Variants in ADGRE3 observed in about 807,000 individuals in gnomAD.
ADGRE3 encodes EGF-like module receptor 3.
In ADGRE3, 88 loss-of-function variants were observed where a neutral mutation model predicts 80.1. The ratio of observed to expected loss-of-function variants is 1.10; its 90% confidence interval spans 0.93 to 1.31. The LOEUF is 1.31. Ranked by LOEUF, ADGRE3 falls within the 40% of genes most tolerant of loss-of-function variation. ADGRE3 has a pLI of 0.00. For synonymous variants in ADGRE3, 281 were observed against 294.8 expected, an observed-to-expected ratio of 0.95 and a Z score of 0.48; for missense variants, 715 against 776.5, an observed-to-expected ratio of 0.92 and a Z score of 0.94.
chr19:14,645,971 CA>C (rs1568487552), intron 8 of ADGRE3, among the ~76,000 whole-genome samples: 1 of 151,790 alleles, frequency 6.6e-6, no homozygotes, highest in African/African-American at 2.4e-5. Context: ...GACCCTTTCT[CA>C]AAAAAGGTAA....
intron 10 of ADGRE3, among the ~76,000 whole-genome samples, chr19:14,639,410 TC>T (rs1480888172): frequency 6.6e-6 from 1 of 151,786 alleles, no homozygotes; most frequent in African/African-American, 2.4e-5. Context: ...TGATTATGAT[TC>T]TTTTTTTTTT....
chr19:14,638,846 G>A (rs576802769), intron 10 of ADGRE3, among the ~76,000 whole-genome samples: 27 of 151,972 alleles, frequency 1.8e-4, no homozygotes, highest in South Asian at 2.1e-4. Context: ...ACTGTATTGC[G>A]TGGTGACTAT....
chr19:14,608,528 C>A, the ADGRE3 span, among the ~76,000 whole-genome samples: 1 of 152,064 alleles, frequency 6.6e-6, no homozygotes, highest in Non-Finnish European at 1.5e-5. Flanking sequence ...ATATTTCCTC[C>A]ATTGCAACAT....
the ADGRE3 span, among the ~76,000 whole-genome samples, chr19:14,602,701 C>T: frequency 6.6e-6 from 1 of 151,616 alleles, no homozygotes; most frequent in South Asian, 2.1e-4. Context: ...TGTTTTTTAT[C>T]CCTCTGTTTC....
chr19:14,661,003 G>A (rs1410758519), intron 4 of ADGRE3, among the ~76,000 whole-genome samples: 8 of 146,396 alleles, frequency 5.5e-5, no homozygotes, highest in African/African-American at 5.0e-5. Context: ...GTGCAGTGGC[G>A]GGATCTTGTC....
chr19:14,632,970 T>G lies in ADGRE3; in HGVS notation c.1594A>C (p.Arg532=), dbSNP rs764996847. 1 of 1,614,096 alleles carries G rather than the reference T, an allele frequency of 6.2e-7. No individual in the cohort carries two copies. The highest frequency in any genetic ancestry group is 1.1e-5 in the South Asian group (1 of 91,078). Residue 532 remains arginine (R), a synonymous_variant, in exon 13 of 16, where the codon AGA becomes CGA. Transcript: ENST00000253673. ...TCACTATTGAGGGAGGAAAGTTTTC[T>G]TTTCAAAATCCAAAAGACCAAGATA... ...LFILVFWILK[R]KLSSLNSEVS...
intron 14 of ADGRE3, among the ~76,000 whole-genome samples, chr19:14,625,999 C>T (rs75432870): frequency 0.1 from 15,352 of 151,970 alleles, 953 homozygotes; most frequent in African/African-American, 0.17. Context: ...AATAAAGTTC[C>T]GGAGATGGAT....
rs1361826898 is a variant in ADGRE3, at chr19:14,622,103, T to A, written c.1921-2632A>T. On this transcript the variant is annotated intron_variant, in intron 15 of 15. Coordinates refer to ENST00000253673, the MANE Select transcript of ADGRE3 (RefSeq NM_032571.5). ...TCTGCACTGAACACATTCTTTATGC[T>A]CAGCACAGACACCAAGGCAGGTCTG... The A allele has an allele frequency of 1.7e-5, 18 of 1,054,022 alleles. 7 individuals are homozygous for A. Among genetic ancestry groups the A allele is most frequent in the Non-Finnish European group, 2.1e-5 (16 of 759,468 alleles). The allele number at this position is 1,054,022 out of a possible 1,614,324, so 65.3% of individuals were successfully genotyped here. A position where few individuals can be genotyped will look rare whatever the true frequency, so the allele number is the denominator to read the frequency against.
At chr19:14,633,205 T>C in intron 12 of ADGRE3, 31 bp downstream of exon 12, 1 of 1,589,476 alleles carries the variant, frequency 6.3e-7, no homozygotes, top group Non-Finnish European at 8.6e-7. Context: ...TGGTTCTTCC[T>C]AGTTTGGGAA....
intron 2 of ADGRE3, among the ~76,000 whole-genome samples, chr19:14,666,378 A>ATT (rs34328222): frequency 1.4e-5 from 2 of 143,526 alleles, no homozygotes; most frequent in Admixed American, 1.4e-4. Flanking sequence ...TTCTTGGCCT[A>ATT]TTTTTTTTTT....
At chr19:14,616,789 A>G (rs2075077309), downstream of ADGRE3, among the ~76,000 whole-genome samples, 1 of 112,200 alleles carries the variant, frequency 8.9e-6, no homozygotes, top group East Asian at 2.7e-4. Context: ...GCTTTTTTCT[A>G]GAATTTTTTT....
intron 3 of ADGRE3, among the ~76,000 whole-genome samples, chr19:14,662,903 CAAAAAAAAAA>C (rs1209543540): frequency 1.1e-5 from 1 of 92,592 alleles, no homozygotes; most frequent in Middle Eastern, 5.2e-3. Context: ...TCCATCTCTA[CAAAAAAAAAA>C]AAAAAAAAAA....
chr19:14,624,938 G>C (rs1015998172), intron 15 of ADGRE3, among the ~76,000 whole-genome samples: 9 of 151,926 alleles, frequency 5.9e-5, no homozygotes, highest in Admixed American at 2.0e-4. Flanking sequence ...TTGGAGGGGG[G>C]AGAGCATTAG....
intron 5 of ADGRE3, among the ~76,000 whole-genome samples, chr19:14,655,613 G>A (rs1345968768): frequency 5.3e-5 from 8 of 151,874 alleles, no homozygotes; most frequent in Admixed American, 3.9e-4. Flanking sequence ...ACACCGCCAT[G>A]CTTGCTTAAT....
chr19:14,630,836 G>C (rs1332939927), intron 13 of ADGRE3, among the ~76,000 whole-genome samples: 2 of 152,108 alleles, frequency 1.3e-5, no homozygotes, highest in Non-Finnish European at 2.9e-5. Context: ...CATGCATAAG[G>C]CATTTGAAAA....
intron 1 of ADGRE3, 118 bp downstream of exon 1, chr19:14,674,621 CAAAGGGA>C: frequency 1.1e-6 from 1 of 946,436 alleles, no homozygotes; most frequent in Non-Finnish European, 1.6e-6. Flanking sequence ...AACCACACTC[CAAAGGGA>C]AAAGGTGAGA....
intron 2 of ADGRE3, among the ~76,000 whole-genome samples, chr19:14,665,658 TA>T (rs1385983793): frequency 6.6e-6 from 1 of 151,548 alleles, no homozygotes; most frequent in Non-Finnish European, 1.5e-5. Context: ...CCCAGCTAAT[TA>T]AAAAAATTTT....
intron 1 of ADGRE3, among the ~76,000 whole-genome samples, chr19:14,671,414 A>G (rs1972253143): frequency 1.3e-5 from 2 of 152,082 alleles, no homozygotes; most frequent in African/African-American, 4.8e-5. Context: ...ATCCAGCAGC[A>G]CAGCATCTTC....
At chr19:14,609,381 T>C in the ADGRE3 span, among the ~76,000 whole-genome samples, 1 of 152,040 alleles carries the variant, frequency 6.6e-6, no homozygotes. Context: ...CTCACCTCTC[T>C]CCTAAGAACA....
Sources: gnomAD v4.1 joint callset for allele counts (sites outside exome capture counted in the v4.1 genomes callset) on GRCh38, gnomAD v4.1.1 for gene constraint, MANE v1.5 for transcripts, NCBI Gene and HGNC (gene_info 2026-07-23, HGNC 2026-07-21) for gene names.